The following FAM76A variants were observed in gnomAD, a reference collection of about 807,000 sequenced individuals.
FAM76A encodes the protein protein FAM76A.
In FAM76A, 32 loss-of-function variants were observed where a neutral mutation model predicts 46.2. The observed-to-expected ratio is 0.69, with a 90% CI of 0.52 to 0.93. The LOEUF (loss-of-function observed/expected upper bound fraction) is 0.93, where lower values mean the gene tolerates loss of function less well. Among genes scored for constraint, FAM76A ranks in the 40% least tolerant of loss-of-function variants. The pLI is 0.00. For missense variants in FAM76A, 274 were observed against 361.5 expected, an observed-to-expected ratio of 0.76 and a Z score of 1.96; for synonymous variants, 137 against 127.0, an observed-to-expected ratio of 1.08 and a Z score of -0.53.
intron 8 of FAM76A, chr1:27,760,032 CAA>C (rs1053192606): frequency 2.2e-6 from 1 of 457,944 alleles, no homozygotes; most frequent in African/African-American, 2.0e-5. Context: ...CTCAACCTCA[CAA>C]AGTGCTAGGA....
At chr1:27,749,635 C>T (rs2088301312) in intron 6 of FAM76A, among the ~76,000 whole-genome samples, 1 of 152,210 alleles carries the variant, frequency 6.6e-6, no homozygotes, top group Non-Finnish European at 1.5e-5. Flanking sequence ...GGATTACAGG[C>T]ATGAGCCACC....
At chr1:27,750,923 C>T (rs1199108466) in intron 6 of FAM76A, among the ~76,000 whole-genome samples, 1 of 152,222 alleles carries the variant, frequency 6.6e-6, no homozygotes, top group Non-Finnish European at 1.5e-5. Flanking sequence ...AATCCCAGCA[C>T]TTTGGGAGGC....
chr1:27,732,569 T>C (rs910542479), intron 2 of FAM76A, 34 bp from the exon 3 acceptor site: 5 of 1,589,408 alleles, frequency 3.1e-6, no homozygotes, highest in Non-Finnish European at 4.3e-6. Flanking sequence ...TCAGATATTC[T>C]AAGAAAAGCC....
intron 5 of FAM76A, among the ~76,000 whole-genome samples, chr1:27,745,492 T>A (rs2088227269): frequency 6.6e-6 from 1 of 152,208 alleles, no homozygotes; most frequent in Non-Finnish European, 1.5e-5. Flanking sequence ...TGACTTTGTT[T>A]AATCAGCAAG....
chr1:27,740,357 C>T, intron 4 of FAM76A: 1 of 1,097,064 alleles, frequency 9.1e-7, no homozygotes, highest in Non-Finnish European at 1.4e-6. Context: ...TAGATACGGC[C>T]TTGGTTATCA....
intron 7 of FAM76A, 133 bp downstream of exon 7, chr1:27,755,463 G>T: frequency 8.4e-7 from 1 of 1,183,492 alleles, no homozygotes; most frequent in Non-Finnish European, 1.2e-6. Flanking sequence ...CTGGGGAGAG[G>T]CTGGCTGTCT....
At chr1:27,745,109 A>G (rs998657949) in intron 5 of FAM76A, among the ~76,000 whole-genome samples, 3 of 152,132 alleles carry the variant, frequency 2.0e-5, no homozygotes, top group African/African-American at 7.2e-5. Flanking sequence ...AAAATTGGAC[A>G]TTTCACTTTC....
At chr1:27,752,869 GT>G (rs1407473830) in intron 6 of FAM76A, among the ~76,000 whole-genome samples, 13 of 152,172 alleles carry the variant, frequency 8.5e-5, no homozygotes, top group Admixed American at 2.6e-4. Flanking sequence ...GAATTAGAGA[GT>G]TAGTGAGGGC....
chr1:27,761,104 T>G lies in FAM76A; in HGVS notation c.*523T>G, dbSNP rs2088502925. 1.3e-5 allele frequency: 2 copies of G among 152,368 alleles called. No individual in the cohort carries two copies. The highest frequency in any genetic ancestry group is 4.8e-5 in the African/African-American group (2 of 41,388). The allele number at this position is 152,368 out of a possible 1,614,324, so 9.4% of individuals were successfully genotyped here. ...GGCTTTCTCTCTCCAATAAACCTTT[T>G]GCTTCAGGGTATACTCTTCGGTTTT... On this transcript the variant is annotated 3_prime_UTR_variant, in exon 9 of 9. Coordinates refer to ENST00000373954, the MANE Select transcript of FAM76A (RefSeq NM_152660.3).
At position 27,732,595 on chromosome 1, in the gene FAM76A, C is replaced by T; in HGVS notation, c.147-8C>T. The T allele has an allele frequency of 1.2e-6, 2 of 1,604,120 alleles. No homozygotes were observed. The highest frequency in any genetic ancestry group is 2.2e-5 in the East Asian group (1 of 44,732). On this transcript the variant is annotated splice_polypyrimidine_tract_variant and splice_region_variant and intron_variant, in intron 2 of 8. Transcript: ENST00000373954. ...AAGAAAAGCCTGTGTCTCTTTCTTC[C>T]TTAACAGTAAAACCAATACAATATG...
chr1:27,738,145 A>G (rs571976992), intron 4 of FAM76A, among the ~76,000 whole-genome samples: 1 of 152,204 alleles, frequency 6.6e-6, no homozygotes, highest in African/African-American at 2.4e-5. Flanking sequence ...GGATCACTTG[A>G]GCCCAGGAGT....
intron 7 of FAM76A, among the ~76,000 whole-genome samples, chr1:27,757,883 A>C (rs889355413): frequency 1.3e-5 from 2 of 152,032 alleles, no homozygotes; most frequent in Non-Finnish European, 2.9e-5. Flanking sequence ...AGGCTGAGGC[A>C]GGAGAATGGC....
In FAM76A at chr1:27,759,518, T is replaced by G; in HGVS notation, c.736-8T>G. 6.3e-7 allele frequency: 1 copy of G among 1,594,524 alleles called. No homozygotes were observed. The highest frequency in any genetic ancestry group is 1.8e-5 in the Admixed American group (1 of 56,152). On this transcript the variant is annotated splice_polypyrimidine_tract_variant and splice_region_variant and intron_variant, in intron 7 of 8. Coordinates refer to ENST00000373954, the MANE Select transcript of FAM76A (RefSeq NM_152660.3). ...TTTCTTCTGGTTATTCTGCCTTGTT[T>G]CCCTCAGATTACAGAGTTGAAGGCT...
At position 27,732,636 on chromosome 1, in the gene FAM76A, G is replaced by A; in HGVS notation, c.180G>A (p.Gln60=). ...ATACAATATGCAAGAAATGTGCTCA[G>A]AACGTGCAGTTGTATGGAACGGTAA... ...KTNTICKKCA[Q]NVQLYGTPKP... Residue 60 remains glutamine (Q), a synonymous_variant, in exon 3 of 9, where the codon CAG becomes CAA. Coordinates refer to ENST00000373954, the MANE Select transcript of FAM76A (RefSeq NM_152660.3). 6.2e-7 allele frequency: 1 copy of A among 1,609,788 alleles called. No homozygotes were observed. The highest frequency in any genetic ancestry group is 8.5e-7 in the Non-Finnish European group (1 of 1,176,728).
Position 27,761,413 on chromosome 1 carries a change from G to C in FAM76A, c.*832G>C, listed in dbSNP as rs1461385081. The C allele has an allele frequency of 6.6e-6, 1 of 152,578 alleles. No individual in the cohort carries two copies. The highest frequency in any genetic ancestry group is 6.5e-5 in the Admixed American group (1 of 15,270). 9.5% of individuals were successfully genotyped at this position (152,578 alleles called of 1,614,324 possible). A position where few individuals can be genotyped will look rare whatever the true frequency, so the allele number is the denominator to read the frequency against. The stretch of plus-strand genomic sequence containing the variant: ...GCCTTTTGGAGGATTTCTTGGAAGA[G>C]CATTTATGGAGATACTTAAGGGAGG... On this transcript the variant is annotated 3_prime_UTR_variant, in exon 9 of 9. Coordinates refer to ENST00000373954, the MANE Select transcript of FAM76A (RefSeq NM_152660.3).
chr1:27,739,350 A>G, intron 4 of FAM76A: 1 of 527,422 alleles, frequency 1.9e-6, no homozygotes, highest in Non-Finnish European at 3.9e-6. Context: ...CACAGTGCCT[A>G]CACTACTTAA....
chr1:27,743,406 A>T (rs2088188251), intron 4 of FAM76A, among the ~76,000 whole-genome samples: 1 of 152,168 alleles, frequency 6.6e-6, no homozygotes, highest in South Asian at 2.1e-4. Context: ...CACCTGCCTC[A>T]GCTTCCTGAA....
At chr1:27,739,332 G>T in intron 4 of FAM76A, 1 of 527,198 alleles carries the variant, frequency 1.9e-6, no homozygotes, top group Non-Finnish European at 3.9e-6. Context: ...AAAAAACTTG[G>T]AAGTAACCAC....
At chr1:27,735,078 C>T (rs1236434061) in intron 4 of FAM76A, among the ~76,000 whole-genome samples, 1 of 152,242 alleles carries the variant, frequency 6.6e-6, no homozygotes, top group Non-Finnish European at 1.5e-5. Flanking sequence ...TTCTACCTCT[C>T]ACCTTGCTCC....
Sources: allele counts gnomAD v4.1 joint callset (sites outside exome capture counted in the v4.1 genomes callset), GRCh38; gene constraint gnomAD v4.1.1; transcripts MANE v1.5; gene names NCBI Gene and HGNC (gene_info 2026-07-23, HGNC 2026-07-21).